Variants in NKAIN3 observed in about 807,000 individuals in gnomAD.
The protein encoded by NKAIN3 is sodium/potassium transporting ATPase interacting 3.
Under a neutral mutation model 30.2 loss-of-function variants are expected in NKAIN3, and 25 were observed. The observed-to-expected ratio is 0.83, with a 90% CI of 0.60 to 1.16. NKAIN3 has a LOEUF of 1.16. NKAIN3 is among the 50% of genes most tolerant of loss of function. The pLI is 0.00. For missense variants in NKAIN3, 225 were observed against 254.1 expected (o/e 0.89, Z 0.78); for synonymous variants, 91 against 89.6 (o/e 1.02, Z -0.09).
At chr8:62,360,603 T>G (rs1816526485) in intron 1 of NKAIN3, among the ~76,000 whole-genome samples, 1 of 152,168 alleles carries the variant, frequency 6.6e-6, no homozygotes, top group African/African-American at 2.4e-5. Context: ...TCTGTTGTTT[T>G]GAGGTGGACA....
intron 1 of NKAIN3, among the ~76,000 whole-genome samples, chr8:62,578,124 C>G (rs946267235): frequency 6.6e-6 from 1 of 151,926 alleles, no homozygotes; most frequent in Non-Finnish European, 1.5e-5. Context: ...CAATACAAAA[C>G]TAGAAAAATG....
intron 1 of NKAIN3, among the ~76,000 whole-genome samples, chr8:62,377,226 C>G (rs115233893): frequency 6.6e-6 from 1 of 152,018 alleles, no homozygotes; most frequent in African/African-American, 2.4e-5. Flanking sequence ...AAATTCTTCC[C>G]TCTTTGTTTC....
intron 4 of NKAIN3, among the ~76,000 whole-genome samples, chr8:62,782,792 G>A (rs2130655671): frequency 6.7e-6 from 1 of 149,674 alleles, no homozygotes; most frequent in East Asian, 2.0e-4. Flanking sequence ...GATAGAGTGG[G>A]TGAATAGAAG....
rs1178301550 is a variant in NKAIN3, at chr8:62,983,452, A to G, written c.*18045A>G. 6.6e-6 allele frequency: 1 copy of G among 152,178 alleles called. No individual in the cohort carries two copies. The highest frequency in any genetic ancestry group is 1.5e-5 in the Non-Finnish European group (1 of 68,022). The allele number at this position is 152,178 out of a possible 1,614,324, so 9.4% of individuals were successfully genotyped here. Reference sequence around the variant, plus strand: ...GCAACCCTCTTCTGTCTCCCTAAGCATTCAACAAACACTTAGTGACCATCT... The same window carrying G: ...GCAACCCTCTTCTGTCTCCCTAAGCGTTCAACAAACACTTAGTGACCATCT... On this transcript the variant is annotated 3_prime_UTR_variant, in exon 7 of 7. Coordinates refer to ENST00000623646, the MANE Select transcript of NKAIN3 (RefSeq NM_001304533.3).
chr8:62,613,962 A>G (rs1265203417), intron 3 of NKAIN3, among the ~76,000 whole-genome samples: 1 of 152,124 alleles, frequency 6.6e-6, no homozygotes, highest in African/African-American at 2.4e-5. Flanking sequence ...CAACACAGAT[A>G]TTTTAAATTC....
At chr8:62,312,837 T>A (rs1490505482) in intron 1 of NKAIN3, among the ~76,000 whole-genome samples, 8 of 113,176 alleles carry the variant, frequency 7.1e-5, no homozygotes, top group Non-Finnish European at 8.0e-5. Context: ...AAAAAAAAAA[T>A]GCTGTGATGG....
chr8:62,961,587 CT>C lies in NKAIN3; in HGVS notation c.604-3760del, dbSNP rs548397074. Among the ~76,000 whole-genome samples, 393 of 152,174 alleles carry C rather than the reference CT, an allele frequency of 2.6e-3. 4 individuals carry two copies. The highest frequency in any genetic ancestry group is 8.9e-3 in the African/African-American group (371 of 41,530). The stretch of plus-strand genomic sequence containing the variant: ...ATATGTGGTTTGCTTGGTTTTAAAA[CT>C]TTTTTTAAAACAGAACTAGATTATA... On this transcript the variant is annotated intron_variant, in intron 6 of 6. Transcript: ENST00000623646.
intron 3 of NKAIN3, among the ~76,000 whole-genome samples, chr8:62,657,717 T>G (rs1274711451): frequency 6.6e-6 from 1 of 152,184 alleles, no homozygotes; most frequent in African/African-American, 2.4e-5. Flanking sequence ...CAACTATTGG[T>G]GCATTCTGAA....
chr8:62,620,885 C>T (rs764505257), intron 3 of NKAIN3, among the ~76,000 whole-genome samples: 5 of 151,440 alleles, frequency 3.3e-5, no homozygotes, highest in Admixed American at 1.3e-4. Context: ...AGCCTATAAA[C>T]GCCTGAAATT....
intron 4 of NKAIN3, among the ~76,000 whole-genome samples, chr8:62,869,547 T>G (rs906833086): frequency 1.3e-5 from 2 of 152,236 alleles, no homozygotes; most frequent in Non-Finnish European, 2.9e-5. Context: ...AGAATGAAGA[T>G]TAATGATATC....
rs1435335609 is a variant in NKAIN3, at chr8:62,737,734, T to C, written c.274-9198T>C. On this transcript the variant is annotated intron_variant, in intron 3 of 6. Transcript: ENST00000623646. ...AACTTTATTTTTTTAGTCAGAATTG[T>C]GTAAGCAGAACCAGTTGAGAAATCT... Among the ~76,000 whole-genome samples the C allele has an allele frequency of 3.3e-5, 5 of 152,188 alleles. No homozygotes were observed. The South Asian group carries it at 8.3e-4, about 25-fold the overall frequency.
At chr8:62,867,046 C>G (rs999381070) in intron 4 of NKAIN3, among the ~76,000 whole-genome samples, 4 of 136,680 alleles carry the variant, frequency 2.9e-5, no homozygotes, top group South Asian at 2.3e-4. Flanking sequence ...CAGAGCGAGA[C>G]TCCGTCTTAA....
chr8:62,720,525 C>T (rs895550005), intron 3 of NKAIN3, among the ~76,000 whole-genome samples: 3 of 152,080 alleles, frequency 2.0e-5, no homozygotes, highest in African/African-American at 7.2e-5. Context: ...TGCATGGATC[C>T]GACCCATGGA....
At chr8:62,499,798 G>A (rs888995726) in intron 1 of NKAIN3, among the ~76,000 whole-genome samples, 1 of 144,746 alleles carries the variant, frequency 6.9e-6, no homozygotes, top group African/African-American at 2.5e-5. Context: ...AAAGAAAGCT[G>A]TGATCAGGTT....
intron 3 of NKAIN3, among the ~76,000 whole-genome samples, chr8:62,615,875 C>T (rs997927766): frequency 3.9e-5 from 6 of 151,952 alleles, no homozygotes; most frequent in African/African-American, 1.4e-4. Flanking sequence ...TGATTCTAGA[C>T]TTTTTTTTAA....
At chr8:62,267,140 TATC>T in intron 1 of NKAIN3, among the ~76,000 whole-genome samples, 1 of 152,256 alleles carries the variant, frequency 6.6e-6, no homozygotes, top group Non-Finnish European at 1.5e-5. Context: ...GTTTGCATGA[TATC>T]ATATTACTTT....
chr8:62,569,802 C>A (rs1481015261), intron 1 of NKAIN3, among the ~76,000 whole-genome samples: 2 of 151,224 alleles, frequency 1.3e-5, no homozygotes, highest in Non-Finnish European at 2.9e-5. Flanking sequence ...CTTCAGTAAC[C>A]CAAGACTTAT....
chr8:62,442,906 A>G (rs36097171), intron 1 of NKAIN3, among the ~76,000 whole-genome samples: 3,668 of 151,980 alleles, frequency 0.024, 74 homozygotes, highest in Middle Eastern at 0.058. Flanking sequence ...CATTGATCTA[A>G]TTATTTTTCA....
chr8:62,997,137 G>A (rs1804135595), intron 5 of NKAIN3, among the ~76,000 whole-genome samples: 2 of 152,108 alleles, frequency 1.3e-5, no homozygotes, highest in Non-Finnish European at 1.5e-5. Context: ...GACCAGCGTG[G>A]GAGGCAATAG....
Sources: allele counts gnomAD v4.1 joint callset (sites outside exome capture counted in the v4.1 genomes callset), GRCh38; gene constraint gnomAD v4.1.1; transcripts MANE v1.5; gene names NCBI Gene and HGNC (gene_info 2026-07-23, HGNC 2026-07-21).